Variants in TENM2 observed in about 807,000 individuals in gnomAD.
TENM2 encodes teneurin-2.
TENM2 carries 52 observed loss-of-function variants against 245.2 expected under a neutral mutation model. The ratio of observed to expected loss-of-function variants is 0.21; its 90% CI spans 0.17 to 0.27. The LOEUF (loss-of-function observed/expected upper bound fraction) is 0.27, where lower values mean the gene tolerates loss of function less well. TENM2 is among the 10% of genes least tolerant of loss of function. TENM2 has a pLI of 1.00. For missense variants in TENM2, 3,046 were observed against 3,666.8 expected (o/e 0.83, Z 4.37); for synonymous variants, 1,363 against 1,438.9 (o/e 0.95, Z 1.19).
chr5:167,798,850 T>C (rs923229311), intron 2 of TENM2, among the ~76,000 whole-genome samples: 1 of 152,322 alleles, frequency 6.6e-6, no homozygotes, highest in African/African-American at 2.4e-5. Flanking sequence ...TATCTTTTTA[T>C]CTTTACAGTC....
At chr5:167,256,813 A>G in the TENM2 span, among the ~76,000 whole-genome samples, 1 of 152,110 alleles carries the variant, frequency 6.6e-6, no homozygotes, top group Non-Finnish European at 1.5e-5. Flanking sequence ...AAACTAATAA[A>G]TAGAGATGTT....
At chr5:167,261,153 G>A in the TENM2 span, among the ~76,000 whole-genome samples, 1 of 152,088 alleles carries the variant, frequency 6.6e-6, no homozygotes, top group African/African-American at 2.4e-5. Context: ...GGGAGTGGAG[G>A]GCAGTCTACT....
chr5:167,706,167 A>T (rs1758507100), intron 2 of TENM2, among the ~76,000 whole-genome samples: 1 of 146,076 alleles, frequency 6.8e-6, no homozygotes, highest in Non-Finnish European at 1.5e-5. Flanking sequence ...ATATAGTTAT[A>T]CTATATATTA....
intron 2 of TENM2, among the ~76,000 whole-genome samples, chr5:167,830,370 A>G (rs781583841): frequency 6.6e-6 from 1 of 152,090 alleles, no homozygotes; most frequent in Non-Finnish European, 1.5e-5. Flanking sequence ...GCTCATTTTT[A>G]CTTAGGAATG....
chr5:168,246,740 C>T lies in TENM2; in HGVS notation c.5818-17C>T. 2 of 1,609,920 alleles carry T rather than the reference C, an allele frequency of 1.2e-6. No homozygotes were observed. The highest frequency in any genetic ancestry group is 1.7e-6 in the Non-Finnish European group (2 of 1,177,002). On this transcript the variant is annotated splice_polypyrimidine_tract_variant and intron_variant, in intron 26 of 28. Transcript: ENST00000518659. ...AAAAGCCAACTGATATGTTCTGTTC[C>T]CCTTTCCTTTCTGCAGTCCATGGTC...
rs191390427 is a variant in TENM2 at position 168,262,223 on chromosome 5, C to A, written c.7738C>A (p.Arg2580=). 3.1e-3 allele frequency: 4,900 copies of A among 1,604,816 alleles called. 10 individuals are homozygous for A. Among genetic ancestry groups the A allele is most frequent in the Non-Finnish European group, 3.4e-3 (4,028 of 1,175,486 alleles). The change falls in exon 29 of 29, where the codon CGG becomes AGG. Residue 2580 remains arginine (R), a synonymous_variant. Transcript: ENST00000518659. ...CATCATGTTTGCCATCAAAGAAGGG[C>A]GGGTGACCACGGGCGTGTCCAGCAT...
chr5:167,456,132 G>A (rs1480274503), intron 2 of TENM2, among the ~76,000 whole-genome samples: 1 of 152,014 alleles, frequency 6.6e-6, no homozygotes, highest in East Asian at 1.9e-4. Context: ...GTTCACTCTT[G>A]GTTAATGACT....
At chr5:168,037,425 A>G (rs1787805345) in intron 5 of TENM2, among the ~76,000 whole-genome samples, 1 of 152,206 alleles carries the variant, frequency 6.6e-6, no homozygotes, top group East Asian at 1.9e-4. Context: ...AACCAGGTAG[A>G]AATAGAAAAA....
At chr5:167,185,131 A>G in the TENM2 span, among the ~76,000 whole-genome samples, 2 of 152,000 alleles carry the variant, frequency 1.3e-5, no homozygotes, top group Admixed American at 6.6e-5. Flanking sequence ...GGCCTCATCT[A>G]TCTATCTTTA....
At chr5:167,460,066 A>G (rs998060759) in intron 2 of TENM2, among the ~76,000 whole-genome samples, 11 of 152,138 alleles carry the variant, frequency 7.2e-5, no homozygotes, top group Middle Eastern at 6.3e-3. Flanking sequence ...TTTCTAAAGC[A>G]TTTCAATTTT....
Position 168,062,273 on chromosome 5 carries a change from C to A in TENM2, c.1515+8C>A. 1 of 1,610,128 alleles carries A rather than the reference C, an allele frequency of 6.2e-7. No individual in the cohort carries two copies. Among genetic ancestry groups the A allele is most frequent in the Non-Finnish European group, 8.5e-7 (1 of 1,176,704 alleles). Reference sequence around the variant, plus strand: ...CCACCATCTCATGCCCAGGTATGACCATGTTTGATGTAATCAAGCATTTAA... The same window carrying A: ...CCACCATCTCATGCCCAGGTATGACAATGTTTGATGTAATCAAGCATTTAA... On this transcript the variant is annotated splice_region_variant and intron_variant, in intron 7 of 28. Transcript: ENST00000518659.
chr5:167,084,327 T>TTTTATATATATATATATATATA, the TENM2 span, among the ~76,000 whole-genome samples: 3 of 23,180 alleles, frequency 1.3e-4, no homozygotes, highest in Non-Finnish European at 2.5e-4. Context: ...GCCATTTTAG[T>TTTTATATATATATATATATATA]TATATATATA....
At chr5:167,772,128 A>G (rs149347821) in intron 2 of TENM2, among the ~76,000 whole-genome samples, 122 of 152,266 alleles carry the variant, frequency 8.0e-4, no homozygotes, top group South Asian at 7.0e-3. Context: ...AAAGAATCCA[A>G]TCACATTTTA....
the TENM2 span, among the ~76,000 whole-genome samples, chr5:167,105,431 T>C: frequency 6.6e-6 from 1 of 152,188 alleles, no homozygotes; most frequent in African/African-American, 2.4e-5. Flanking sequence ...GAATTTTAAC[T>C]TACATAATTA....
chr5:168,053,329 G>A (rs1465154532), intron 6 of TENM2, among the ~76,000 whole-genome samples: 1 of 152,122 alleles, frequency 6.6e-6, no homozygotes, highest in Non-Finnish European at 1.5e-5. Context: ...GTTGTACATA[G>A]CATCATGGTG....
intron 1 of TENM2, among the ~76,000 whole-genome samples, chr5:167,370,004 G>C (rs569502348): frequency 6.6e-6 from 1 of 152,144 alleles, no homozygotes; most frequent in Admixed American, 6.5e-5. Context: ...AGAATTAGTG[G>C]GTCAAAGAAT....
At chr5:167,960,755 ACTC>A (rs1780950743) in intron 4 of TENM2, among the ~76,000 whole-genome samples, 2 of 151,828 alleles carry the variant, frequency 1.3e-5, no homozygotes, top group African/African-American at 2.4e-5. Context: ...TAATAAAAAA[ACTC>A]CTGCAGCTAA....
Position 167,989,001 on chromosome 5 carries a change from T to C in TENM2, c.948-3943T>C, listed in dbSNP as rs1044306634. Among the ~76,000 whole-genome samples, 15 of 152,324 alleles carry C rather than the reference T, an allele frequency of 9.8e-5. 1 individual carries two copies. Among genetic ancestry groups the C allele is most frequent in the Admixed American group, 9.8e-4 (15 of 15,294 alleles). On this transcript the variant is annotated intron_variant, in intron 4 of 28. Transcript: ENST00000518659. ...TATCTTTACCGTGTTGCTCTCATGT[T>C]GCTAAAACATTTCTATTTTCAAGTT...
intron 2 of TENM2, among the ~76,000 whole-genome samples, chr5:167,690,670 A>G (rs1026533623): frequency 3.9e-5 from 6 of 152,162 alleles, no homozygotes; most frequent in Admixed American, 1.3e-4. Flanking sequence ...TCCATTTTCT[A>G]TCACCTTGAT....
Sources: gnomAD v4.1 joint callset for allele counts (sites outside exome capture counted in the v4.1 genomes callset) on GRCh38, gnomAD v4.1.1 for gene constraint, MANE v1.5 for transcripts, NCBI Gene and HGNC (gene_info 2026-07-23, HGNC 2026-07-21) for gene names.